BRAP: variants seen among roughly 807,000 people sequenced by gnomAD.
BRAP encodes BRCA1-associated protein.
BRAP carries 42 observed loss-of-function variants against 73.4 expected under a neutral mutation model. The ratio of observed to expected loss-of-function variants is 0.57; its 90% CI spans 0.45 to 0.74. BRAP has a LOEUF of 0.74. Among genes scored for constraint, BRAP ranks in the 30% least tolerant of loss-of-function variants. The pLI is 0.00. For synonymous variants in BRAP, 255 were observed against 267.4 expected (o/e 0.95, Z 0.45); for missense variants, 593 against 751.4 (o/e 0.79, Z 2.46).
intron 6 of BRAP, among the ~76,000 whole-genome samples, chr12:111,663,976 T>C (rs1206106341): frequency 6.6e-6 from 1 of 152,170 alleles, no homozygotes; most frequent in Admixed American, 6.6e-5. Context: ...AAATGGTCCC[T>C]GAGGAAACTT....
intron 9 of BRAP, among the ~76,000 whole-genome samples, chr12:111,658,117 A>G (rs75384652): frequency 0.016 from 2,354 of 151,294 alleles, 69 homozygotes; most frequent in African/African-American, 0.054. Context: ...TTTAGTAGGG[A>G]CAGGGTTTCA....
chr12:111,669,808 T>C, intron 5 of BRAP: 1 of 525,538 alleles, frequency 1.9e-6, no homozygotes, highest in East Asian at 4.3e-5. Flanking sequence ...ACTGTTCCTT[T>C]TAAGTTTACA....
At chr12:111,663,320 G>A (rs1442541012) in intron 6 of BRAP, among the ~76,000 whole-genome samples, 2 of 152,064 alleles carry the variant, frequency 1.3e-5, no homozygotes, top group Non-Finnish European at 2.9e-5. Flanking sequence ...AGGTGTGGTG[G>A]TACATGCCTG....
At chr12:111,649,243 C>T (rs2093154486) in intron 11 of BRAP, among the ~76,000 whole-genome samples, 1 of 152,162 alleles carries the variant, frequency 6.6e-6, no homozygotes, top group Non-Finnish European at 1.5e-5. Context: ...GCTTCTGCCT[C>T]CCAGACTCAT....
At position 111,659,195 on chromosome 12, in the gene BRAP, A is replaced by G. The variant is rs761872918; in HGVS notation, c.1111+12T>C. The G allele has an allele frequency of 6.2e-6, 10 of 1,611,272 alleles. No homozygotes were observed. In the Admixed American group the frequency reaches 1.3e-4, roughly 22 times the overall value. ...AGAATGAGTCCAAATTAGAAAAGAG[A>G]GTGGTATTCACCTCCAGCATAGTCC... is the stretch of plus-strand genomic sequence containing the variant. On this transcript the variant is annotated intron_variant, in intron 8 of 11. Transcript: ENST00000419234.
At chr12:111,646,181 G>C (rs1886104800) in intron 11 of BRAP, among the ~76,000 whole-genome samples, 1 of 152,104 alleles carries the variant, frequency 6.6e-6, no homozygotes, top group Non-Finnish European at 1.5e-5. Flanking sequence ...CAGCTACTTG[G>C]GAGGCTGAGG....
rs1885929218 is a variant in BRAP at position 111,642,356 on chromosome 12, A to G, written c.*1843T>C. On this transcript the variant is annotated 3_prime_UTR_variant, in exon 12 of 12. Transcript: ENST00000419234. ...TTTTTTTCTGGGACATATTTTTTGT[A>G]AACCTCCAAGTAGTTTGGAAACACT... The G allele has an allele frequency of 6.6e-6, 1 of 150,896 alleles. No homozygotes were observed. The highest frequency in any genetic ancestry group is 2.4e-5 in the African/African-American group (1 of 41,002). The allele number at this position is 150,896 out of a possible 1,614,324, so 9.3% of individuals were successfully genotyped here. A position where few individuals can be genotyped will look rare whatever the true frequency, so the allele number is the denominator to read the frequency against.
chr12:111,685,870 G>C lies in BRAP; in HGVS notation c.-78C>G. On this transcript the variant is annotated 5_prime_UTR_variant, in exon 1 of 12. Coordinates refer to ENST00000419234, the MANE Select transcript of BRAP (RefSeq NM_006768.5). ...GCGAGCCGAGAGGCCGAGCGGCCCG[G>C]GGCCGGCAGCGCCGCCACCACCTCA... 1 of 1,115,074 alleles carries C rather than the reference G, an allele frequency of 9.0e-7. No individual in the cohort carries two copies. The highest frequency in any genetic ancestry group is 1.2e-6 in the Non-Finnish European group (1 of 849,096). The allele number at this position is 1,115,074 out of a possible 1,614,324, so 69.1% of individuals were successfully genotyped here.
At position 111,681,816 on chromosome 12, in the gene BRAP, C is replaced by T. The variant is rs1241293933; in HGVS notation, c.264G>A (p.Val88=). 1 of 1,610,978 alleles carries T rather than the reference C, an allele frequency of 6.2e-7. No individual in the cohort carries two copies. Residue 88 remains valine, a synonymous_variant, in exon 3 of 12, where the codon GTG becomes GTA. Coordinates refer to ENST00000419234, the MANE Select transcript of BRAP (RefSeq NM_006768.5). The stretch of plus-strand genomic sequence containing the variant: ...AGGCTTCTGAAGACTTCCTTTCTTC[C>T]ACTGTAGTTTTTAGTTCATCTTTCA... ...KSNPDELKTT[V]EERKSSEASP...
chr12:111,684,298 G>C (rs1251882478), intron 1 of BRAP, among the ~76,000 whole-genome samples: 3 of 152,184 alleles, frequency 2.0e-5, no homozygotes, highest in Non-Finnish European at 4.4e-5. Flanking sequence ...TCTATATGCG[G>C]CTAATATCAA....
In BRAP at chr12:111,661,126, T is replaced by A. The variant is rs370549818; in HGVS notation, c.897-451A>T. On this transcript the variant is annotated intron_variant, in intron 6 of 11. Transcript: ENST00000419234. ...TCCCGAGTAGCTGGGACTACAGGCA[T>A]GCACCACCACACCCAGCTAATTATT... is the stretch of plus-strand genomic sequence containing the variant. Among the ~76,000 whole-genome samples, 3 of 151,622 alleles carry A rather than the reference T, an allele frequency of 2.0e-5. No homozygotes were observed. The East Asian group carries it at 5.8e-4, about 29-fold the overall frequency.
chr12:111,684,017 G>A (rs1224837401), intron 1 of BRAP, among the ~76,000 whole-genome samples: 2 of 152,090 alleles, frequency 1.3e-5, no homozygotes, highest in Non-Finnish European at 2.9e-5. Context: ...ACTTGTAGGG[G>A]TAGTCTTAAA....
At chr12:111,681,583 CAAAA>C (rs368877992) in intron 3 of BRAP, 50 bp downstream of exon 3, 1,802 of 1,114,122 alleles carry the variant, frequency 1.6e-3, no homozygotes, top group Admixed American at 2.9e-3. Context: ...TAAAGCAAAG[CAAAA>C]AAAAAAAAAA....
chr12:111,682,519 GAAAA>G (rs1887644154), intron 2 of BRAP, among the ~76,000 whole-genome samples: 1 of 127,534 alleles, frequency 7.8e-6, no homozygotes, highest in South Asian at 2.7e-4. Context: ...AAAAAAAAAA[GAAAA>G]GAAAGAAAGA....
At chr12:111,666,038 C>CT (rs752697464) in intron 5 of BRAP, among the ~76,000 whole-genome samples, 6 of 152,154 alleles carry the variant, frequency 3.9e-5, no homozygotes, top group Non-Finnish European at 8.8e-5. Context: ...TTTCTAGTTG[C>CT]TTTTTTGACT....
chr12:111,653,935 A>C (rs1333632291), intron 10 of BRAP, among the ~76,000 whole-genome samples: 2 of 152,224 alleles, frequency 1.3e-5, no homozygotes, highest in African/African-American at 4.8e-5. Flanking sequence ...CATAAGTTTC[A>C]GTGTTTCGTT....
intron 5 of BRAP, among the ~76,000 whole-genome samples, chr12:111,671,685 T>G (rs374405660): frequency 7.0e-6 from 1 of 143,354 alleles, no homozygotes; most frequent in African/African-American, 2.8e-5. Flanking sequence ...GAGAGACTTT[T>G]TTTTTTTTTT....
At chr12:111,647,456 T>A (rs1886149794) in intron 11 of BRAP, among the ~76,000 whole-genome samples, 1 of 152,218 alleles carries the variant, frequency 6.6e-6, no homozygotes, top group Admixed American at 6.5e-5. Flanking sequence ...GAGATATTTA[T>A]GTGGGCAGAG....
At chr12:111,650,194 G>T (rs1353321807) in intron 10 of BRAP, 152 bp from the exon 11 acceptor site, 1 of 466,900 alleles carries the variant, frequency 2.1e-6, no homozygotes, top group Non-Finnish European at 3.8e-6. Context: ...CCAGGCAGGG[G>T]AAAAAAATAA....
Sources: allele counts gnomAD v4.1 joint callset (sites outside exome capture counted in the v4.1 genomes callset), GRCh38; gene constraint gnomAD v4.1.1; transcripts MANE v1.5; gene names NCBI Gene and HGNC (gene_info 2026-07-23, HGNC 2026-07-21).